The following MAGI1 variants were observed in gnomAD, a reference collection of about 807,000 sequenced individuals.
MAGI1 encodes membrane associated guanylate kinase, WW and PDZ domain containing 1, also known as membrane-associated guanylate kinase, WW and PDZ domain-containing protein 1.
MAGI1 carries 58 observed loss-of-function variants against 139.9 expected under a neutral mutation model. The observed-to-expected ratio is 0.41, with a 90% CI of 0.34 to 0.52. The LOEUF is 0.52. Ranked by LOEUF, MAGI1 falls within the 20% of genes least tolerant of loss-of-function variation. MAGI1 has a pLI of 0.12. For missense variants in MAGI1, 1,874 were observed against 1,901.6 expected, an observed-to-expected ratio of 0.99 and a Z score of 0.27; for synonymous variants, 812 against 737.9, an observed-to-expected ratio of 1.10 and a Z score of -1.63.
At chr3:65,426,466 A>G (rs1194462349) in intron 12 of MAGI1, among the ~76,000 whole-genome samples, 1 of 152,232 alleles carries the variant, frequency 6.6e-6, no homozygotes, top group African/African-American at 2.4e-5. Flanking sequence ...CGTTCTTTAA[A>G]GCATAGAAAG....
At chr3:66,024,315 T>TAAAAAAA (rs34593257) in intron 1 of MAGI1, among the ~76,000 whole-genome samples, 1 of 95,778 alleles carries the variant, frequency 1.0e-5, no homozygotes, top group Non-Finnish European at 2.0e-5. Flanking sequence ...CAAAGTTCAT[T>TAAAAAAA]AAAAAAAAAA....
intron 1 of MAGI1, among the ~76,000 whole-genome samples, chr3:65,652,117 C>T (rs542629473): frequency 3.4e-4 from 51 of 152,052 alleles, no homozygotes; most frequent in Non-Finnish European, 4.9e-4. Context: ...GTTTTATTAT[C>T]GTGTCTAGAC....
intron 1 of MAGI1, among the ~76,000 whole-genome samples, chr3:65,709,457 CTCTT>C: frequency 6.6e-6 from 1 of 152,218 alleles, no homozygotes; most frequent in East Asian, 1.9e-4. Context: ...TCTGAGGTCT[CTCTT>C]CATCTTTAAG....
intron 1 of MAGI1, among the ~76,000 whole-genome samples, chr3:66,022,819 T>A (rs1381275954): frequency 6.6e-6 from 1 of 152,244 alleles, no homozygotes; most frequent in East Asian, 1.9e-4. Flanking sequence ...TAGGGTCAGC[T>A]AGAGTGCTCT....
At chr3:65,392,445 G>T (rs1431281504) in intron 13 of MAGI1, among the ~76,000 whole-genome samples, 1 of 152,178 alleles carries the variant, frequency 6.6e-6, no homozygotes, top group Non-Finnish European at 1.5e-5. Context: ...GTATGGGGTA[G>T]AGGACAGGAA....
intron 2 of MAGI1, among the ~76,000 whole-genome samples, chr3:65,576,200 G>C (rs1478816413): frequency 6.6e-6 from 1 of 152,102 alleles, no homozygotes; most frequent in Non-Finnish European, 1.5e-5. Context: ...GCGGTTTTCT[G>C]TTTGCTTCTT....
intron 1 of MAGI1, among the ~76,000 whole-genome samples, chr3:65,636,567 G>C (rs558764839): frequency 2.6e-5 from 4 of 152,056 alleles, no homozygotes; most frequent in African/African-American, 9.7e-5. Context: ...TGCCATCCTG[G>C]TTTCCCCTCT....
intron 1 of MAGI1, among the ~76,000 whole-genome samples, chr3:65,811,728 A>G (rs2041247097): frequency 6.6e-6 from 1 of 151,924 alleles, no homozygotes; most frequent in South Asian, 2.1e-4. Context: ...GCCAAGACAG[A>G]GAGGTAAACT....
intron 1 of MAGI1, among the ~76,000 whole-genome samples, chr3:65,970,700 C>T (rs541026542): frequency 3.3e-5 from 5 of 152,228 alleles, no homozygotes; most frequent in African/African-American, 1.2e-4. Flanking sequence ...CCCTACAAAG[C>T]TATGACTGAG....
chr3:65,553,672 T>C (rs993449947), intron 2 of MAGI1, among the ~76,000 whole-genome samples: 4 of 152,186 alleles, frequency 2.6e-5, no homozygotes, highest in African/African-American at 7.2e-5. Flanking sequence ...TCCAAAAGTT[T>C]TTCCCTGGTT....
At chr3:65,461,255 G>A (rs541432446) in intron 5 of MAGI1, among the ~76,000 whole-genome samples, 39 of 151,696 alleles carry the variant, frequency 2.6e-4, no homozygotes, top group East Asian at 2.5e-3. Context: ...TTGCTCTGTC[G>A]CCCAGGCTGG....
rs528466856 is a variant in MAGI1, at chr3:65,996,542, G to A, written c.313+41454C>T. Reference sequence around the variant, plus strand: ...TGATAACTATAAATGAAAAACTAAGGGGGGGGGGGGGGAAGCGAGCCCCCA... The same window carrying A: ...TGATAACTATAAATGAAAAACTAAGAGGGGGGGGGGGGAAGCGAGCCCCCA... On this transcript the variant is annotated intron_variant, in intron 1 of 22. Coordinates refer to ENST00000402939, the MANE Select transcript of MAGI1 (RefSeq NM_001033057.2). Among the ~76,000 whole-genome samples, 4 of 6,080 alleles carry A rather than the reference G, an allele frequency of 6.6e-4. No individual in the cohort carries two copies. The East Asian group carries it at 0.087, about 132-fold the overall frequency. The allele number at this position is 6,080 out of a possible 152,430, so 4.0% of individuals were successfully genotyped here. A position where few individuals can be genotyped will look rare whatever the true frequency, so the allele number is the denominator to read the frequency against.
At chr3:66,021,700 C>T (rs2107553180) in intron 1 of MAGI1, among the ~76,000 whole-genome samples, 1 of 152,188 alleles carries the variant, frequency 6.6e-6, no homozygotes, top group Admixed American at 6.5e-5. Context: ...TCTAGTAATC[C>T]CCATATTTAA....
intron 1 of MAGI1, among the ~76,000 whole-genome samples, chr3:65,627,919 G>A (rs1379979247): frequency 1.3e-5 from 2 of 152,124 alleles, no homozygotes; most frequent in East Asian, 1.9e-4. Flanking sequence ...ATGTTTGATG[G>A]ATGTAGTTTT....
intron 2 of MAGI1, among the ~76,000 whole-genome samples, chr3:65,529,472 C>A (rs1346386435): frequency 6.6e-6 from 1 of 152,152 alleles, no homozygotes; most frequent in African/African-American, 2.4e-5. Context: ...GCCTGTCTTC[C>A]TGCAGTGTGA....
chr3:65,530,676 T>TATACATAC (rs2078625616), intron 2 of MAGI1, among the ~76,000 whole-genome samples: 1 of 136,100 alleles, frequency 7.3e-6, no homozygotes. Flanking sequence ...TATATATACA[T>TATACATAC]ATATATATAC....
At chr3:65,753,637 C>G (rs1471936118) in intron 1 of MAGI1, among the ~76,000 whole-genome samples, 1 of 150,590 alleles carries the variant, frequency 6.6e-6, no homozygotes, top group Non-Finnish European at 1.5e-5. Flanking sequence ...AGCAGAATCA[C>G]TTGAGCTCGG....
intron 1 of MAGI1, among the ~76,000 whole-genome samples, chr3:65,836,546 C>T (rs1173879040): frequency 2.0e-5 from 3 of 152,020 alleles, no homozygotes; most frequent in Non-Finnish European, 2.9e-5. Context: ...AGAGGCCGGG[C>T]GCGGTGGCTC....
intron 1 of MAGI1, among the ~76,000 whole-genome samples, chr3:65,823,254 G>A (rs1333136323): frequency 6.6e-6 from 1 of 152,166 alleles, no homozygotes; most frequent in Non-Finnish European, 1.5e-5. Context: ...AGCAGAGTTT[G>A]CAAAAGTGGA....
Sources: allele counts gnomAD v4.1 joint callset (sites outside exome capture counted in the v4.1 genomes callset), GRCh38; gene constraint gnomAD v4.1.1; transcripts MANE v1.5; gene names NCBI Gene and HGNC (gene_info 2026-07-23, HGNC 2026-07-21).